AP1S3: variants seen among roughly 807,000 people sequenced by gnomAD.
The protein encoded by AP1S3 is AP-1 complex subunit sigma-3.
A neutral mutation model predicts 20.9 loss-of-function variants in AP1S3; 10 were observed. The observed-to-expected ratio is 0.48, with a 90% CI of 0.29 to 0.81. AP1S3 has a LOEUF of 0.81. Ranked by LOEUF, AP1S3 falls within the 30% of genes least tolerant of loss-of-function variation. The probability of loss-of-function intolerance (pLI) is 0.08; values close to 1 mark genes in which losing one functional copy is unlikely to be tolerated. For synonymous variants in AP1S3, 41 were observed against 61.5 expected (o/e 0.67, Z 1.56); for missense variants, 154 against 183.8 (o/e 0.84, Z 0.94).
At chr2:223,782,051 A>G (rs1445093854) in intron 1 of AP1S3, among the ~76,000 whole-genome samples, 1 of 141,280 alleles carries the variant, frequency 7.1e-6, no homozygotes, top group Non-Finnish European at 1.5e-5. Context: ...TCACTCTGCC[A>G]CCCAGGCTGG....
chr2:223,828,682 AAC>A (rs1247336360), intron 1 of AP1S3, among the ~76,000 whole-genome samples: 2 of 151,848 alleles, frequency 1.3e-5, no homozygotes, highest in Non-Finnish European at 2.9e-5. Context: ...TGGCTTGTTC[AAC>A]ACACTCTCTG....
chr2:223,781,396 ATTTT>A (rs903934493), intron 1 of AP1S3, among the ~76,000 whole-genome samples: 1 of 146,952 alleles, frequency 6.8e-6, no homozygotes, highest in Non-Finnish European at 1.5e-5. Context: ...TTAACACAGC[ATTTT>A]TTTTTTTAGT....
chr2:223,823,106 G>A (rs1184901037), intron 1 of AP1S3, among the ~76,000 whole-genome samples: 1 of 152,188 alleles, frequency 6.6e-6, no homozygotes, highest in Admixed American at 6.6e-5. Context: ...TGTTAGCAAG[G>A]TTGGAGAAAA....
Position 223,757,932 on chromosome 2 carries a change from C to T in AP1S3, c.*783G>A. ...ATTATTGCTATTAATTCTTATCATA[C>T]TATTTTAGAATAATAAAGGAAGTCA... On this transcript the variant is annotated 3_prime_UTR_variant, in exon 5 of 5. Transcript: ENST00000396654. 3 of 971,580 alleles carry T rather than the reference C, an allele frequency of 3.1e-6. No individual in the cohort carries two copies. The highest frequency in any genetic ancestry group is 3.7e-6 in the Non-Finnish European group (3 of 817,480). 60.2% of individuals were successfully genotyped at this position (971,580 alleles called of 1,614,324 possible).
intron 3 of AP1S3, among the ~76,000 whole-genome samples, chr2:223,768,792 T>C (rs1690541628): frequency 6.6e-6 from 1 of 152,168 alleles, no homozygotes; most frequent in East Asian, 1.9e-4. Context: ...GAGGCAGAGG[T>C]TGCAGTGAGC....
chr2:223,825,551 C>T (rs183252097), intron 1 of AP1S3, among the ~76,000 whole-genome samples: 83 of 152,276 alleles, frequency 5.5e-4, no homozygotes, highest in Admixed American at 3.8e-3. Context: ...CCACTGAATT[C>T]CTGTGGCAAT....
Position 223,756,494 on chromosome 2 carries a change from G to A in AP1S3, c.*2221C>T, listed in dbSNP as rs1574678688. The A allele has an allele frequency of 1.0e-6, 1 of 970,584 alleles. No individual in the cohort carries two copies. The highest frequency in any genetic ancestry group is 1.2e-6 in the Non-Finnish European group (1 of 817,168). The allele number at this position is 970,584 out of a possible 1,614,324, so 60.1% of individuals were successfully genotyped here. ...AGAAAGAAAGAAAGAAAAAAAGAAAGAAAAAATTCTAACACATTAAAAAGT... is the reference window on the plus strand; with the variant it reads ...AGAAAGAAAGAAAGAAAAAAAGAAAAAAAAAATTCTAACACATTAAAAAGT... On this transcript the variant is annotated 3_prime_UTR_variant, in exon 5 of 5. Coordinates refer to ENST00000396654, the MANE Select transcript of AP1S3 (RefSeq NM_001039569.2).
chr2:223,780,308 TAGAGAGAGAGAGAGAGAGAG>T (rs527550327), intron 1 of AP1S3, among the ~76,000 whole-genome samples: 13 of 62,028 alleles, frequency 2.1e-4, no homozygotes, highest in African/African-American at 4.5e-4. Context: ...TATATATATA[TAGAGAGAGAGAGAGAGAGAG>T]AGAGAGAGAG....
At chr2:223,805,449 A>T (rs535393196) in intron 1 of AP1S3, among the ~76,000 whole-genome samples, 1 of 152,308 alleles carries the variant, frequency 6.6e-6, no homozygotes, top group Admixed American at 6.5e-5. Context: ...TCTCAAAAAA[A>T]AAATTGTTAT....
At position 223,758,345 on chromosome 2, in the gene AP1S3, A is replaced by G. The variant is rs1270017281; in HGVS notation, c.*370T>C. 1.0e-6 allele frequency: 1 copy of G among 1,001,804 alleles called. No homozygotes were observed. Among genetic ancestry groups the G allele is most frequent in the African/African-American group, 1.7e-5 (1 of 58,114 alleles). 62.1% of individuals were successfully genotyped at this position (1,001,804 alleles called of 1,614,324 possible). On this transcript the variant is annotated 3_prime_UTR_variant, in exon 5 of 5. Coordinates refer to ENST00000396654, the MANE Select transcript of AP1S3 (RefSeq NM_001039569.2). ...ACATCATATATACTTTACATTCAAA[A>G]TCATGGATTATTACAATATTGTGTC...
chr2:223,756,988 CTTTTTT>C lies in AP1S3; in HGVS notation c.*1721_*1726del, dbSNP rs531434125. 8.6e-6 allele frequency: 8 copies of C among 934,960 alleles called. No individual in the cohort carries two copies. Among genetic ancestry groups the C allele is most frequent in the East Asian group, 1.2e-4 (1 of 8,284 alleles). 57.9% of individuals were successfully genotyped at this position (934,960 alleles called of 1,614,324 possible). On this transcript the variant is annotated 3_prime_UTR_variant, in exon 5 of 5. Transcript: ENST00000396654. ...AGAATACTACAAGCTTTTACTTTTT[CTTTTTT>C]TTTTTTTTTTTCTTGAGACGCAGTC...
intron 1 of AP1S3, among the ~76,000 whole-genome samples, chr2:223,835,900 C>T (rs930248239): frequency 1.3e-5 from 2 of 152,202 alleles, no homozygotes; most frequent in Admixed American, 6.5e-5. Flanking sequence ...CTCTGTTAGG[C>T]AAATTACACT....
chr2:223,802,639 C>A (rs921180850), intron 1 of AP1S3, among the ~76,000 whole-genome samples: 4 of 152,092 alleles, frequency 2.6e-5, no homozygotes, highest in East Asian at 1.9e-4. Flanking sequence ...AATCACCGCA[C>A]AAATCCCAAA....
At chr2:223,788,010 G>T (rs1243788085) in intron 1 of AP1S3, among the ~76,000 whole-genome samples, 1 of 152,024 alleles carries the variant, frequency 6.6e-6, no homozygotes, top group African/African-American at 2.4e-5. Context: ...AGGCTGGAGC[G>T]CAGTGGTGTG....
Position 223,814,622 on chromosome 2 carries a change from A to G in AP1S3, c.3+22826T>C, listed in dbSNP as rs147768371. Among the ~76,000 whole-genome samples, 829 of 152,308 alleles carry G rather than the reference A, an allele frequency of 5.4e-3. 7 individuals are homozygous for G. Among genetic ancestry groups the G allele is most frequent in the African/African-American group, 0.019 (793 of 41,570 alleles). On this transcript the variant is annotated intron_variant, in intron 1 of 4. Coordinates refer to ENST00000396654, the MANE Select transcript of AP1S3 (RefSeq NM_001039569.2). ...ATTCTCACTGGTCACATGAACATCCACTATTTACAAAACATTCTCATTTCA... is the reference window on the plus strand; with the variant it reads ...ATTCTCACTGGTCACATGAACATCCGCTATTTACAAAACATTCTCATTTCA...
rs1294456283 is a variant in AP1S3 at position 223,756,469 on chromosome 2, AG to A, written c.*2245del. ...GAAGGAAAAGAAAGAAAGAAAGAAA[AG>A]AAAGAAAGAAAGAAAAAAAGAAAGA... On this transcript the variant is annotated 3_prime_UTR_variant, in exon 5 of 5. Coordinates refer to ENST00000396654, the MANE Select transcript of AP1S3 (RefSeq NM_001039569.2). 1.1e-6 allele frequency: 1 copy of A among 908,264 alleles called. No individual in the cohort carries two copies. Among genetic ancestry groups the A allele is most frequent in the Non-Finnish European group, 1.3e-6 (1 of 763,612 alleles). The allele number at this position is 908,264 out of a possible 1,614,324, so 56.3% of individuals were successfully genotyped here.
intron 1 of AP1S3, among the ~76,000 whole-genome samples, chr2:223,786,970 T>G (rs1691092825): frequency 1.3e-5 from 2 of 152,094 alleles, no homozygotes; most frequent in Admixed American, 1.3e-4. Flanking sequence ...CGTGTCAAAT[T>G]GTAATCCCCA....
rs1177313417 is a variant in AP1S3, at chr2:223,780,320, G to T, written c.4-2451C>A. On this transcript the variant is annotated intron_variant, in intron 1 of 4. Coordinates refer to ENST00000396654, the MANE Select transcript of AP1S3 (RefSeq NM_001039569.2). ...ATATATATATATATAGAGAGAGAGAGAGAGAGAGAGAGAGAGAGAGAGAGA... is the reference window on the plus strand; with the variant it reads ...ATATATATATATATAGAGAGAGAGATAGAGAGAGAGAGAGAGAGAGAGAGA... Among the ~76,000 whole-genome samples the T allele has an allele frequency of 7.5e-3, 559 of 74,952 alleles. 4 individuals carry two copies. The highest frequency in any genetic ancestry group is 0.013 in the Middle Eastern group (2 of 154). 49.2% of individuals were successfully genotyped at this position (74,952 alleles called of 152,430 possible).
Position 223,756,482 on chromosome 2 carries a change from GAAAAAAAGAAAGAAAA to G in AP1S3, c.*2217_*2232del. 1 of 914,698 alleles carries G rather than the reference GAAAAAAAGAAAGAAAA, an allele frequency of 1.1e-6. No homozygotes were observed. Among genetic ancestry groups the G allele is most frequent in the Non-Finnish European group, 1.3e-6 (1 of 777,888 alleles). The allele number at this position is 914,698 out of a possible 1,614,324, so 56.7% of individuals were successfully genotyped here. The stretch of plus-strand genomic sequence containing the variant: ...GAAAGAAAGAAAAGAAAGAAAGAAA[GAAAAAAAGAAAGAAAA>G]AATTCTAACACATTAAAAAGTTAAA... On this transcript the variant is annotated 3_prime_UTR_variant, in exon 5 of 5. Coordinates refer to ENST00000396654, the MANE Select transcript of AP1S3 (RefSeq NM_001039569.2).
Sources: allele counts gnomAD v4.1 joint callset (sites outside exome capture counted in the v4.1 genomes callset), GRCh38; gene constraint gnomAD v4.1.1; transcripts MANE v1.5; gene names NCBI Gene and HGNC (gene_info 2026-07-23, HGNC 2026-07-21).